Variants in FBXL13 observed in about 807,000 individuals in gnomAD.
FBXL13 encodes F-box and leucine-rich repeat protein 13.
A neutral mutation model predicts 83.6 loss-of-function variants in FBXL13; 67 were observed. The observed-to-expected ratio is 0.80, with a 90% confidence interval of 0.66 to 0.98. The LOEUF (loss-of-function observed/expected upper bound fraction) is 0.98. Ranked by LOEUF, FBXL13 falls within the 50% of genes least tolerant of loss-of-function variation. The pLI, the probability that FBXL13 is intolerant of heterozygous loss-of-function variation, is 0.00. For missense variants in FBXL13, 822 were observed against 866.5 expected (o/e 0.95, Z 0.64); for synonymous variants, 272 against 299.5 (o/e 0.91, Z 0.95).
At chr7:103,074,556 T>G in exon 1 of FBXL13, 1 of 1,218,954 alleles carries the variant, frequency 8.2e-7, no homozygotes, top group Non-Finnish European at 1.1e-6. Flanking sequence ...TTGACTTCAC[T>G]TTCTCGCATT....
chr7:102,976,341 A>C (rs1227962422), intron 6 of FBXL13: 1 of 614,770 alleles, frequency 1.6e-6, no homozygotes, highest in Non-Finnish European at 2.9e-6. Flanking sequence ...TTGATGAACA[A>C]GCCTCCAAAC....
chr7:102,912,565 G>A (rs766005176), intron 11 of FBXL13, among the ~76,000 whole-genome samples: 27 of 151,462 alleles, frequency 1.8e-4, no homozygotes, highest in Non-Finnish European at 2.9e-4. Flanking sequence ...ATTTTCCCAC[G>A]CAGATCTCAA....
At chr7:102,840,339 G>T (rs768741623) in intron 17 of FBXL13, among the ~76,000 whole-genome samples, 4 of 152,148 alleles carry the variant, frequency 2.6e-5, no homozygotes, top group Non-Finnish European at 5.9e-5. Context: ...TTTTCTTGTT[G>T]CCTGTGGCAT....
intron 1 of FBXL13, among the ~76,000 whole-genome samples, chr7:103,072,019 C>G (rs1456924669): frequency 1.3e-5 from 2 of 151,772 alleles, no homozygotes; most frequent in South Asian, 2.1e-4. Context: ...CCTGTCTCGA[C>G]TAAAAATACA....
intron 10 of FBXL13, among the ~76,000 whole-genome samples, chr7:102,923,841 T>TA (rs1365774627): frequency 6.6e-6 from 1 of 151,662 alleles, no homozygotes; most frequent in Non-Finnish European, 1.5e-5. Context: ...AATAAATAAA[T>TA]AAAAAGAATT....
chr7:103,064,737 ATGT>A (rs2129501813), intron 1 of FBXL13, among the ~76,000 whole-genome samples: 1 of 152,338 alleles, frequency 6.6e-6, no homozygotes, highest in East Asian at 1.9e-4. Context: ...AGTGAAAATA[ATGT>A]TGACTTCCAA....
chr7:102,889,453 G>A (rs990707337), intron 11 of FBXL13, among the ~76,000 whole-genome samples: 2 of 152,216 alleles, frequency 1.3e-5, no homozygotes, highest in East Asian at 3.9e-4. Flanking sequence ...GGGTACATGT[G>A]CACAACGTGC....
chr7:102,826,746 T>C (rs1481704412), intron 18 of FBXL13, among the ~76,000 whole-genome samples: 1 of 97,258 alleles, frequency 1.0e-5, no homozygotes, highest in African/African-American at 5.0e-5. Context: ...TATATATATA[T>C]ATATATATAT....
chr7:102,931,806 T>C, intron 9 of FBXL13, 75 bp downstream of exon 10: 1 of 1,357,626 alleles, frequency 7.4e-7, no homozygotes, highest in Non-Finnish European at 1.0e-6. Context: ...CACAAGCATC[T>C]ATTCTGCATA....
At chr7:102,874,193 C>G (rs1216899939) in intron 16 of FBXL13, 4 of 227,792 alleles carry the variant, frequency 1.8e-5, no homozygotes, top group African/African-American at 2.3e-5. Context: ...TGTAACATTC[C>G]AGAGTTTAAA....
intron 11 of FBXL13, among the ~76,000 whole-genome samples, chr7:102,894,721 T>G (rs1338014269): frequency 2.7e-5 from 4 of 149,300 alleles, no homozygotes; most frequent in Non-Finnish European, 5.9e-5. Context: ...AGAGAAAGAC[T>G]TTGTCTCTTA....
chr7:102,884,318 T>C lies in FBXL13; in HGVS notation c.1009-6A>G, dbSNP rs369576055. 1.2e-5 allele frequency: 20 copies of C among 1,607,164 alleles called. No homozygotes were observed. In the African/African-American group the frequency reaches 2.5e-4, roughly 20 times the overall value. On this transcript the variant is annotated splice_region_variant and splice_polypyrimidine_tract_variant and intron_variant, in intron 11 of 19. Coordinates refer to ENST00000313221, the Ensembl canonical transcript of FBXL13. ...CTGAAGCCTTGGACTGAAATCTGAA[T>C]TGTACAGAGTAGAAAATAATGGGAG...
intron 9 of FBXL13, among the ~76,000 whole-genome samples, chr7:102,928,899 A>T (rs1353269929): frequency 6.6e-6 from 1 of 152,190 alleles, no homozygotes; most frequent in Non-Finnish European, 1.5e-5. Context: ...AGAAAGCAGA[A>T]CATTTTTTTC....
intron 2 of FBXL13, among the ~76,000 whole-genome samples, chr7:103,040,996 G>C (rs1795622204): frequency 1.3e-5 from 2 of 151,542 alleles, no homozygotes; most frequent in Admixed American, 6.6e-5. Flanking sequence ...AACTGAAGGA[G>C]AGAGTCACAA....
exon 16 of FBXL13, chr7:102,877,588 G>C (rs765420575): frequency 2.5e-6 from 4 of 1,605,396 alleles, no homozygotes; most frequent in African/African-American, 1.3e-5. Context: ...GTTTAAATTA[G>C]GGCAGCTAAA....
intron 8 of FBXL13, among the ~76,000 whole-genome samples, chr7:102,954,336 A>T (rs934586558): frequency 2.0e-5 from 3 of 152,224 alleles, no homozygotes; most frequent in Admixed American, 6.5e-5. Context: ...ACAGACAAGC[A>T]AATGCTGAGA....
At chr7:102,856,313 C>T (rs1341266526) in intron 16 of FBXL13, among the ~76,000 whole-genome samples, 2 of 152,132 alleles carry the variant, frequency 1.3e-5, no homozygotes, top group African/African-American at 4.8e-5. Flanking sequence ...TAGATATTCC[C>T]CAATAGAATC....
At chr7:103,016,694 G>A (rs1050216916) in intron 6 of FBXL13, among the ~76,000 whole-genome samples, 11 of 152,142 alleles carry the variant, frequency 7.2e-5, no homozygotes, top group Admixed American at 3.9e-4. Context: ...CGCCTGGCTC[G>A]GAGGGTCCCA....
At chr7:102,893,044 A>AT in intron 11 of FBXL13, among the ~76,000 whole-genome samples, 1 of 152,324 alleles carries the variant, frequency 6.6e-6, no homozygotes, top group East Asian at 1.9e-4. Context: ...TTTCCAATTC[A>AT]TTTTGATACA....
Sources: gnomAD v4.1 joint callset for allele counts (sites outside exome capture counted in the v4.1 genomes callset) on GRCh38, gnomAD v4.1.1 for gene constraint, MANE v1.5 for transcripts, NCBI Gene and HGNC (gene_info 2026-07-23, HGNC 2026-07-21) for gene names.